Variants in KIRREL3 observed in about 807,000 individuals in gnomAD.
KIRREL3 encodes kin of IRRE-like protein 3.
A neutral mutation model predicts 89.7 loss-of-function variants in KIRREL3; 36 were observed. The observed-to-expected ratio is 0.40, with a 90% CI of 0.31 to 0.53. The LOEUF is 0.53. Ranked by LOEUF, KIRREL3 falls within the 20% of genes least tolerant of loss-of-function variation. The pLI is 0.49. For synonymous variants in KIRREL3, 445 were observed against 441.4 expected (o/e 1.01, Z -0.10); for missense variants, 864 against 1,056.6 (o/e 0.82, Z 2.53).
rs117374189 is a variant in KIRREL3 at position 126,589,015 on chromosome 11, C to T, written c.56-26103G>A. ...ACTCATTCTTCAAGGGGGCTGCAAGCCCCCAGGATTTTCCTGGAACCCAGG... is the reference window on the plus strand; with the variant it reads ...ACTCATTCTTCAAGGGGGCTGCAAGTCCCCAGGATTTTCCTGGAACCCAGG... On this transcript the variant is annotated intron_variant, in intron 1 of 16. Transcript: ENST00000525144. 6.6e-3 allele frequency among the ~76,000 whole-genome samples: 1,008 copies of T among 152,226 alleles called. 4 individuals carry two copies. Among genetic ancestry groups the T allele is most frequent in the Non-Finnish European group, 0.011 (777 of 68,010 alleles).
chr11:126,843,603 C>A lies in KIRREL3; in HGVS notation c.55+156852G>T, dbSNP rs754959975. Among the ~76,000 whole-genome samples, 3 of 152,130 alleles carry A rather than the reference C, an allele frequency of 2.0e-5. No individual in the cohort carries two copies. The highest frequency in any genetic ancestry group is 4.4e-5 in the Non-Finnish European group (3 of 68,014). ...GTGGGACCGTCAGAGGTGTTTGAACCAGAGCAACTCCATCCTGAATAGGGG... is the reference window on the plus strand; with the variant it reads ...GTGGGACCGTCAGAGGTGTTTGAACAAGAGCAACTCCATCCTGAATAGGGG... On this transcript the variant is annotated intron_variant, in intron 1 of 16. Transcript: ENST00000525144. This position sits in a 1 kb window ranked among gnomAD's most constrained non-coding sequence, Gnocchi z 4.6.
At position 126,761,286 on chromosome 11, in the gene KIRREL3, G is replaced by C. The variant is rs982669184; in HGVS notation, c.56-198374C>G. On this transcript the variant is annotated intron_variant, in intron 1 of 16. Coordinates refer to ENST00000525144, the MANE Select transcript of KIRREL3 (RefSeq NM_032531.4). This position sits in a 1 kb window ranked among gnomAD's most constrained non-coding sequence, Gnocchi z 4.4. The stretch of plus-strand genomic sequence containing the variant: ...GGCCCCTGCACTCTGCCCAGGCAAA[G>C]GTATTCACAAACCTCCCTGGGGGCT... Among the ~76,000 whole-genome samples the C allele has an allele frequency of 3.3e-5, 5 of 152,234 alleles. No homozygotes were observed. Among genetic ancestry groups the C allele is most frequent in the Non-Finnish European group, 7.3e-5 (5 of 68,030 alleles).
rs1172584085 is a variant in KIRREL3 at position 126,891,405 on chromosome 11, G to T, written c.55+109050C>A. Among the ~76,000 whole-genome samples, 1 of 152,170 alleles carries T rather than the reference G, an allele frequency of 6.6e-6. No homozygotes were observed. The highest frequency in any genetic ancestry group is 2.4e-5 in the African/African-American group (1 of 41,444). On this transcript the variant is annotated intron_variant, in intron 1 of 16. Coordinates refer to ENST00000525144, the MANE Select transcript of KIRREL3 (RefSeq NM_032531.4). The surrounding 1 kb of genome is among the most constrained non-coding windows in gnomAD (Gnocchi z 5.1). ...CCACTTAAAAAAATCTTCAGCTATT[G>T]TAAAGGGCAAGGAGCTGGAAGGAAA...
intron 4 of KIRREL3, among the ~76,000 whole-genome samples, chr11:126,500,739 C>CAAAAAAAAAAAA (rs10556780): frequency 1.5e-5 from 2 of 133,180 alleles, no homozygotes; most frequent in Non-Finnish European, 1.6e-5. Context: ...GACTTTAACT[C>CAAAAAAAAAAAA]AAAAAAAAAA....
rs1013659161 is a variant in KIRREL3, at chr11:126,522,170, G to A, written c.284-706C>T. 4.6e-5 allele frequency among the ~76,000 whole-genome samples: 7 copies of A among 152,150 alleles called. No homozygotes were observed. Among genetic ancestry groups the A allele is most frequent in the Admixed American group, 2.6e-4 (4 of 15,274 alleles). ...CGCTGGCTTATTATTCTGGAAAGTG[G>A]TGTGCTCAGCACTGTGGTCTACCAA... On this transcript the variant is annotated intron_variant, in intron 3 of 16. Coordinates refer to ENST00000525144, the MANE Select transcript of KIRREL3 (RefSeq NM_032531.4). The surrounding 1 kb of genome is among the most constrained non-coding windows in gnomAD (Gnocchi z 6.0).
At chr11:126,973,374 GAAGGCC>G (rs1949487090) in intron 1 of KIRREL3, among the ~76,000 whole-genome samples, 1 of 152,192 alleles carries the variant, frequency 6.6e-6, no homozygotes, top group Non-Finnish European at 1.5e-5. Context: ...TTCTCTGTGT[GAAGGCC>G]AAGGGACTGC....
At chr11:126,779,028 C>A (rs1320408493) in intron 1 of KIRREL3, among the ~76,000 whole-genome samples, 2 of 152,210 alleles carry the variant, frequency 1.3e-5, no homozygotes, top group African/African-American at 4.8e-5. Flanking sequence ...TGCTGCTGTG[C>A]TTAGAGCCCT....
chr11:126,478,909 C>T (rs976731231), intron 4 of KIRREL3, among the ~76,000 whole-genome samples: 8 of 152,160 alleles, frequency 5.3e-5, no homozygotes, highest in African/African-American at 1.9e-4. Flanking sequence ...GAACTCTGCG[C>T]TGCTGTGGCA....
intron 1 of KIRREL3, among the ~76,000 whole-genome samples, chr11:126,591,839 A>G (rs1942148886): frequency 1.3e-5 from 2 of 152,220 alleles, no homozygotes; most frequent in African/African-American, 4.8e-5. Flanking sequence ...AGAAAGTTTA[A>G]GTAACTTACA....
chr11:126,462,390 C>T lies in KIRREL3; in HGVS notation c.742+767G>A, dbSNP rs1349135052. 2.0e-5 allele frequency among the ~76,000 whole-genome samples: 3 copies of T among 152,138 alleles called. No individual in the cohort carries two copies. Among genetic ancestry groups the T allele is most frequent in the Admixed American group, 6.5e-5 (1 of 15,274 alleles). On this transcript the variant is annotated intron_variant, in intron 6 of 16. Transcript: ENST00000525144. The surrounding 1 kb of genome is among the most constrained non-coding windows in gnomAD (Gnocchi z 4.8). ...GTTGTAAAGATTAAATAAGGCCAGG[C>T]GAAGTGGCTCACATCTGTAATCCCA... is the stretch of plus-strand genomic sequence containing the variant.
At chr11:126,864,602 A>G (rs544195570) in intron 1 of KIRREL3, among the ~76,000 whole-genome samples, 1 of 152,342 alleles carries the variant, frequency 6.6e-6, no homozygotes, top group South Asian at 2.1e-4. Flanking sequence ...TCCAGTCTGA[A>G]TTAAGCATCA....
At chr11:126,480,937 A>G (rs550284049) in intron 4 of KIRREL3, among the ~76,000 whole-genome samples, 1 of 152,314 alleles carries the variant, frequency 6.6e-6, no homozygotes, top group East Asian at 1.9e-4. Flanking sequence ...GCCACAATGG[A>G]GAACTGCAGG....
chr11:126,884,080 T>G (rs942865181), intron 1 of KIRREL3, among the ~76,000 whole-genome samples: 2 of 152,188 alleles, frequency 1.3e-5, no homozygotes, highest in African/African-American at 4.8e-5. Flanking sequence ...TGGGCCTACA[T>G]GGATAAGTAA....
Position 126,997,826 on chromosome 11 carries a change from GGACAGCA to G in KIRREL3, c.55+2622_55+2628del, listed in dbSNP as rs1206666640. On this transcript the variant is annotated intron_variant, in intron 1 of 16. Coordinates refer to ENST00000525144, the MANE Select transcript of KIRREL3 (RefSeq NM_032531.4). This position sits in a 1 kb window ranked among gnomAD's most constrained non-coding sequence, Gnocchi z 4.3. ...GCAGATTCCCACTGTGAGATGTGTT[GGACAGCA>G]GATGGCCATGTCATCGGAGTGCCAG... is the stretch of plus-strand genomic sequence containing the variant. Among the ~76,000 whole-genome samples the G allele has an allele frequency of 6.6e-6, 1 of 152,112 alleles. No individual in the cohort carries two copies. The highest frequency in any genetic ancestry group is 1.5e-5 in the Non-Finnish European group (1 of 68,020).
chr11:126,956,684 T>C (rs191864930), intron 1 of KIRREL3, among the ~76,000 whole-genome samples: 1 of 152,306 alleles, frequency 6.6e-6, no homozygotes, highest in Non-Finnish European at 1.5e-5. Flanking sequence ...TTTAATTTAT[T>C]TTTGCCTCTT....
At chr11:126,798,656 G>A (rs1412116189) in intron 1 of KIRREL3, among the ~76,000 whole-genome samples, 4 of 152,184 alleles carry the variant, frequency 2.6e-5, no homozygotes, top group African/African-American at 7.2e-5. Context: ...ACTGTGGCCT[G>A]CCCTTCCAGG....
At chr11:126,815,224 G>A (rs923175826) in intron 1 of KIRREL3, among the ~76,000 whole-genome samples, 1 of 152,158 alleles carries the variant, frequency 6.6e-6, no homozygotes, top group Non-Finnish European at 1.5e-5. Flanking sequence ...TTTAGCACAC[G>A]ATATTTCTGG....
intron 6 of KIRREL3, among the ~76,000 whole-genome samples, chr11:126,458,618 T>G (rs1442488315): frequency 6.6e-6 from 1 of 152,184 alleles, no homozygotes; most frequent in Non-Finnish European, 1.5e-5. Context: ...AACTCTGTTT[T>G]CTGAGTAGCA....
intron 7 of KIRREL3, among the ~76,000 whole-genome samples, chr11:126,450,857 G>C (rs371208417): frequency 5.3e-5 from 8 of 151,608 alleles, no homozygotes; most frequent in Non-Finnish European, 1.0e-4. Context: ...GTGAGCATGT[G>C]CACGTGTGTG....
Sources: allele counts gnomAD v4.1 joint callset (sites outside exome capture counted in the v4.1 genomes callset), GRCh38; gene constraint gnomAD v4.1.1; non-coding constraint Gnocchi (gnomAD v3.1); transcripts MANE v1.5; gene names NCBI Gene and HGNC (gene_info 2026-07-23, HGNC 2026-07-21).